CCDC32: variants seen among roughly 807,000 people sequenced by gnomAD.
CCDC32 encodes the protein coiled-coil domain-containing protein 32.
CCDC32 carries 9 observed loss-of-function variants against 20.1 expected under a neutral mutation model. That is an observed-to-expected ratio of 0.45 (90% CI 0.27 to 0.78). The LOEUF (loss-of-function observed/expected upper bound fraction) is 0.78. CCDC32 is among the 30% of genes least tolerant of loss of function. The pLI is 0.16. For synonymous variants in CCDC32, 63 were observed against 79.0 expected (o/e 0.80, Z 1.07); for missense variants, 204 against 215.5 (o/e 0.95, Z 0.33).
chr15:40,541,333 A>AT (rs11337977), intron 3 of CCDC32, among the ~76,000 whole-genome samples: 54 of 139,762 alleles, frequency 3.9e-4, no homozygotes, highest in African/African-American at 1.2e-3. Flanking sequence ...GAGCTGTAAT[A>AT]TTTTTTTTTT....
intron 2 of CCDC32, 190 bp from the exon 3 acceptor site, chr15:40,557,562 C>G: frequency 1.8e-6 from 1 of 540,976 alleles, no homozygotes; most frequent in East Asian, 3.2e-5. Context: ...TCACAAAGTC[C>G]TCACCCTGCA....
At chr15:40,548,357 C>T (rs1200010523), downstream of CCDC32, among the ~76,000 whole-genome samples, 4 of 152,140 alleles carry the variant, frequency 2.6e-5, no homozygotes, top group South Asian at 2.1e-4. Flanking sequence ...CTGTAGCCAG[C>T]ATAAGTATTA....
At chr15:40,528,007 C>G (rs1257568081), downstream of CCDC32, among the ~76,000 whole-genome samples, 2 of 152,216 alleles carry the variant, frequency 1.3e-5, no homozygotes, top group African/African-American at 4.8e-5. Flanking sequence ...TGTGGCCTAT[C>G]TTCAGTAATT....
At chr15:40,545,691 C>T (rs1279172455) in intron 3 of CCDC32, among the ~76,000 whole-genome samples, 1 of 152,152 alleles carries the variant, frequency 6.6e-6, no homozygotes, top group African/African-American at 2.4e-5. Context: ...AGCACAGGCA[C>T]TGGAGAGCTA....
rs78102563 is a variant in CCDC32 at position 40,554,315 on chromosome 15, G to A, written c.402-188C>T. On this transcript the variant is annotated intron_variant, in intron 3 of 3. Transcript: ENST00000416810. ...CAGCTGTGCATCCTGGCAGCTCTGC[G>A]CATAATTTACCCCATAGTGGGCACT... is the stretch of plus-strand genomic sequence containing the variant. 1.5e-3 allele frequency among the ~76,000 whole-genome samples: 222 copies of A among 152,218 alleles called. 2 individuals carry two copies. The East Asian group carries it at 0.027, about 18-fold the overall frequency.
chr15:40,564,783 C>T, intron 1 of CCDC32, 193 bp downstream of exon 1: 1 of 1,614,188 alleles, frequency 6.2e-7, no homozygotes, highest in Non-Finnish European at 8.5e-7. Flanking sequence ...CCCCGCATGG[C>T]CCCTTACCCC....
Position 40,553,513 on chromosome 15 carries a change from T to G in CCDC32, c.*458A>C. 1.0e-6 allele frequency: 1 copy of G among 987,830 alleles called. No homozygotes were observed. The highest frequency in any genetic ancestry group is 1.2e-6 in the Non-Finnish European group (1 of 831,508). The allele number at this position is 987,830 out of a possible 1,614,324, so 61.2% of individuals were successfully genotyped here. ...TTCACTCTTACTGGCCCCACTCACGTGACAATTCACCAAGGGAATGCTTGG... is the reference window on the plus strand; with the variant it reads ...TTCACTCTTACTGGCCCCACTCACGGGACAATTCACCAAGGGAATGCTTGG... On this transcript the variant is annotated 3_prime_UTR_variant, in exon 4 of 4. Coordinates refer to ENST00000416810, the MANE Select transcript of CCDC32 (RefSeq NM_001080792.4).
intron 3 of CCDC32, chr15:40,539,362 G>A (rs764424761): frequency 6.5e-7 from 1 of 1,533,968 alleles, no homozygotes; most frequent in Non-Finnish European, 8.7e-7. Flanking sequence ...GGGCCTATGG[G>A]AATAAGACAG....
chr15:40,533,242 C>T (rs1368959128), downstream of CCDC32, among the ~76,000 whole-genome samples: 1 of 152,036 alleles, frequency 6.6e-6, no homozygotes, highest in Non-Finnish European at 1.5e-5. Context: ...GTGTCAGGGT[C>T]GGGGGCAGAT....
chr15:40,545,634 A>G (rs1889587385), intron 3 of CCDC32, among the ~76,000 whole-genome samples: 1 of 152,106 alleles, frequency 6.6e-6, no homozygotes, highest in African/African-American at 2.4e-5. Context: ...AAGGCCCACT[A>G]CTGTTCCACT....
At chr15:40,542,524 T>C (rs1889438039) in intron 3 of CCDC32, among the ~76,000 whole-genome samples, 1 of 152,160 alleles carries the variant, frequency 6.6e-6, no homozygotes, top group South Asian at 2.1e-4. Context: ...ACTGCCATAA[T>C]GACTGATGTT....
At chr15:40,526,029 T>G (rs1320593232), downstream of CCDC32, among the ~76,000 whole-genome samples, 2 of 150,454 alleles carry the variant, frequency 1.3e-5, no homozygotes. Flanking sequence ...CCACTGAGAG[T>G]GCAGACGAAA....
At chr15:40,528,182 G>A (rs1170285689), downstream of CCDC32, among the ~76,000 whole-genome samples, 1 of 152,204 alleles carries the variant, frequency 6.6e-6, no homozygotes, top group Non-Finnish European at 1.5e-5. Context: ...ATTCGGATTT[G>A]GCTAACACTT....
In CCDC32 at chr15:40,557,274, A is replaced by G. The variant is rs1890308336; in HGVS notation, c.343T>C (p.Phe115Leu). Residue 115 changes from phenylalanine (F) to leucine (L), a missense_variant, in exon 3 of 4, where the codon TTC becomes CTC. Transcript: ENST00000416810. ...AQAKKECWDR[F>L]LQEKLASEFF... is the part of the protein sequence containing the mutation. ...TCTGAAGCTAACTTCTCCTGGAGGA[A>G]CCGATCCCAGCATTCCTTCTTGGCT... 2 of 1,614,098 alleles carry G rather than the reference A, an allele frequency of 1.2e-6. No individual in the cohort carries two copies. Among genetic ancestry groups the G allele is most frequent in the East Asian group, 2.2e-5 (1 of 44,892 alleles).
chr15:40,554,062 T>A lies in CCDC32; in HGVS notation c.467A>T (p.Gln156Leu). Residue 156 changes from glutamine (Q) to leucine (L), a missense_variant, in exon 4 of 4, where the codon CAG becomes CTG. Physicochemically the swap from Gln to Leu is moderately radical, Grantham distance 113. Transcript: ENST00000416810. ...CTGTGACTCTGGAGGAATCAGATACTGGACCTCCTCTGTGCTGACGGCTAC... is the reference window on the plus strand; with the variant it reads ...CTGTGACTCTGGAGGAATCAGATACAGGACCTCCTCTGTGCTGACGGCTAC... ...DKVAVSTEEV[Q>L]YLIPPESQVE... 6.2e-7 allele frequency: 1 copy of A among 1,614,044 alleles called. No homozygotes were observed. The highest frequency in any genetic ancestry group is 8.5e-7 in the Non-Finnish European group (1 of 1,180,006).
chr15:40,539,055 G>A (rs868407935), downstream of CCDC32: 29 of 599,360 alleles, frequency 4.8e-5, no homozygotes, highest in Middle Eastern at 4.5e-4. Context: ...TGGCTCTCTC[G>A]CCAGCTGTCC....
chr15:40,558,811 T>C (rs1311573863), intron 2 of CCDC32, among the ~76,000 whole-genome samples: 3 of 151,944 alleles, frequency 2.0e-5, no homozygotes, highest in African/African-American at 7.3e-5. Context: ...TCTTTCTTTT[T>C]TTTTTTGAGA....
At chr15:40,561,051 C>A (rs926311148) in intron 2 of CCDC32, among the ~76,000 whole-genome samples, 1 of 152,162 alleles carries the variant, frequency 6.6e-6, no homozygotes, top group Non-Finnish European at 1.5e-5. Context: ...AAAATAATGT[C>A]TTCTGCAGCA....
chr15:40,564,663 G>T, intron 1 of CCDC32: 2 of 1,525,258 alleles, frequency 1.3e-6, no homozygotes, highest in Non-Finnish European at 1.8e-6. Context: ...AAGTAAAAGG[G>T]ACAGCTATGA....
Sources: gnomAD v4.1 joint callset for allele counts (sites outside exome capture counted in the v4.1 genomes callset) on GRCh38, gnomAD v4.1.1 for gene constraint, MANE v1.5 for transcripts, NCBI Gene and HGNC (gene_info 2026-07-23, HGNC 2026-07-21) for gene names.